The following UNC5C variants were observed in gnomAD, a reference collection of about 807,000 sequenced individuals.
The protein encoded by UNC5C is netrin receptor UNC5C.
A neutral mutation model predicts 99.8 loss-of-function variants in UNC5C; 47 were observed. The observed-to-expected ratio is 0.47, with a 90% CI of 0.37 to 0.60. UNC5C has a LOEUF of 0.60. Ranked by LOEUF, UNC5C falls within the 20% of genes least tolerant of loss-of-function variation. The pLI is 0.00. For missense variants in UNC5C, 1,062 were observed against 1,165.9 expected, an observed-to-expected ratio of 0.91 and a Z score of 1.30; for synonymous variants, 487 against 452.2, an observed-to-expected ratio of 1.08 and a Z score of -0.98.
chr4:95,403,916 G>A (rs982979560), intron 1 of UNC5C, among the ~76,000 whole-genome samples: 1 of 152,132 alleles, frequency 6.6e-6, no homozygotes, highest in Non-Finnish European at 1.5e-5. Context: ...GCTACCTTGG[G>A]GGAAGGAAAC....
chr4:95,170,025 T>C, intron 15 of UNC5C, 129 bp downstream of exon 15: 2 of 1,256,622 alleles, frequency 1.6e-6, no homozygotes, highest in South Asian at 3.0e-5. Context: ...TTAATGCATA[T>C]TTGCAAAATG....
intron 2 of UNC5C, among the ~76,000 whole-genome samples, chr4:95,319,571 G>C (rs556649462): frequency 6.6e-6 from 1 of 152,100 alleles, no homozygotes; most frequent in Non-Finnish European, 1.5e-5. Context: ...TCTCCAAAAG[G>C]TACTATTTAG....
chr4:95,403,331 C>A (rs1490294940), intron 1 of UNC5C, among the ~76,000 whole-genome samples: 1 of 152,142 alleles, frequency 6.6e-6, no homozygotes, highest in East Asian at 1.9e-4. Context: ...CGGGCATGTT[C>A]TTGAACAGGA....
intron 1 of UNC5C, among the ~76,000 whole-genome samples, chr4:95,507,901 G>A (rs1051659094): frequency 6.6e-6 from 1 of 151,888 alleles, no homozygotes; most frequent in African/African-American, 2.4e-5. Context: ...CACTTCCCTG[G>A]ATCAATGTGA....
intron 2 of UNC5C, among the ~76,000 whole-genome samples, chr4:95,330,887 G>A (rs1361880154): frequency 6.6e-6 from 1 of 152,030 alleles, no homozygotes; most frequent in Non-Finnish European, 1.5e-5. Flanking sequence ...TAGTGGTAAA[G>A]TCAGGGCTTT....
At chr4:95,481,385 C>A (rs985137178) in intron 1 of UNC5C, among the ~76,000 whole-genome samples, 4 of 151,912 alleles carry the variant, frequency 2.6e-5, no homozygotes, top group Non-Finnish European at 5.9e-5. Context: ...GAACAACATT[C>A]CATGCTCATG....
intron 1 of UNC5C, among the ~76,000 whole-genome samples, chr4:95,429,667 T>C (rs1466190494): frequency 2.0e-5 from 3 of 151,890 alleles, no homozygotes; most frequent in Non-Finnish European, 4.4e-5. Context: ...AACAGTGGAG[T>C]CAACACATCC....
chr4:95,491,974 A>C (rs2149481621), intron 1 of UNC5C, among the ~76,000 whole-genome samples: 1 of 151,608 alleles, frequency 6.6e-6, no homozygotes, highest in East Asian at 2.0e-4. Flanking sequence ...ATATACTGAA[A>C]TTCTTGAAGT....
At chr4:95,331,874 T>C (rs2149418947) in intron 2 of UNC5C, among the ~76,000 whole-genome samples, 1 of 152,174 alleles carries the variant, frequency 6.6e-6, no homozygotes, top group East Asian at 1.9e-4. Flanking sequence ...TCTCAAAGTC[T>C]CAGGATACAA....
At chr4:95,184,513 A>T (rs1164905413) in intron 13 of UNC5C, among the ~76,000 whole-genome samples, 1 of 152,192 alleles carries the variant, frequency 6.6e-6, no homozygotes, top group Non-Finnish European at 1.5e-5. Flanking sequence ...CTTGAGGGTC[A>T]TGTGATTTTC....
At chr4:95,500,596 A>G (rs923301094) in intron 1 of UNC5C, among the ~76,000 whole-genome samples, 4 of 152,176 alleles carry the variant, frequency 2.6e-5, no homozygotes, top group African/African-American at 9.7e-5. Context: ...TCAGCTGCAT[A>G]AACAACAACT....
chr4:95,520,733 G>C (rs1722331845), intron 1 of UNC5C, among the ~76,000 whole-genome samples: 1 of 151,608 alleles, frequency 6.6e-6, no homozygotes, highest in South Asian at 2.1e-4. Context: ...CGAGTAGCTG[G>C]AACTACAGGT....
At position 95,458,299 on chromosome 4, in the gene UNC5C, AC is replaced by A. The variant is rs530036696; in HGVS notation, c.124+90434del. On this transcript the variant is annotated intron_variant, in intron 1 of 15. Transcript: ENST00000453304. The stretch of plus-strand genomic sequence containing the variant: ...GAAAATAGGGGTAACTGAGATAAAA[AC>A]AGGGTTTGGAAGAGGTCTGTATCAT... 3.6e-4 allele frequency among the ~76,000 whole-genome samples: 55 copies of A among 152,210 alleles called. No individual in the cohort carries two copies. The East Asian group carries it at 7.5e-3, about 21-fold the overall frequency.
chr4:95,170,247 A>G lies in UNC5C; in HGVS notation c.2537T>C (p.Leu846Pro), dbSNP rs929930790. 1.2e-6 allele frequency: 2 copies of G among 1,613,944 alleles called. No individual in the cohort carries two copies. Among genetic ancestry groups the G allele is most frequent in the African/African-American group, 2.7e-5 (2 of 74,876 alleles). Residue 846 changes from leucine (L) to proline (P), a missense_variant, in exon 15 of 16, where the codon CTC becomes CCC. Transcript: ENST00000453304. ...GCTACAGAGCTTCTGCCGGATAGGG[A>G]GAGGGATGCTGAAAGCACTGGGCCC... is the stretch of plus-strand genomic sequence containing the variant. ...VTGPSAFSIPLPIRQKLCSSL... is the reference protein window; with the variant it reads ...VTGPSAFSIPPPIRQKLCSSL...
chr4:95,406,944 G>A (rs560019735), intron 1 of UNC5C, among the ~76,000 whole-genome samples: 20 of 152,210 alleles, frequency 1.3e-4, no homozygotes, highest in Middle Eastern at 6.8e-3. Flanking sequence ...GTTATAGATG[G>A]CAAACTTAAC....
intron 4 of UNC5C, among the ~76,000 whole-genome samples, chr4:95,258,823 G>T (rs1052856217): frequency 1.1e-4 from 15 of 137,390 alleles, no homozygotes; most frequent in African/African-American, 2.1e-4. Context: ...CTGCAGTGGC[G>T]CAATCTCGGC....
chr4:95,260,134 C>T (rs1371502666), intron 4 of UNC5C, among the ~76,000 whole-genome samples: 15 of 152,166 alleles, frequency 9.9e-5, no homozygotes. Flanking sequence ...CCTCATTAAA[C>T]TTTGTTTTCA....
intron 2 of UNC5C, among the ~76,000 whole-genome samples, chr4:95,316,996 T>C (rs1742500875): frequency 6.8e-6 from 1 of 146,090 alleles, no homozygotes; most frequent in Non-Finnish European, 1.5e-5. Context: ...AGAACACATA[T>C]GCCAAAATAA....
At chr4:95,431,513 A>C (rs1009852953) in intron 1 of UNC5C, among the ~76,000 whole-genome samples, 1 of 152,086 alleles carries the variant, frequency 6.6e-6, no homozygotes, top group East Asian at 1.9e-4. Flanking sequence ...TTCCTTTCTT[A>C]AAATATCAAT....
Sources: gnomAD v4.1 joint callset for allele counts (sites outside exome capture counted in the v4.1 genomes callset) on GRCh38, gnomAD v4.1.1 for gene constraint, MANE v1.5 for transcripts, NCBI Gene and HGNC (gene_info 2026-07-23, HGNC 2026-07-21) for gene names.